The following DDX60 variants were observed in gnomAD, a reference collection of about 807,000 sequenced individuals.
DDX60 encodes the protein probable ATP-dependent RNA helicase DDX60.
Under a neutral mutation model 212.8 loss-of-function variants are expected in DDX60, and 165 were observed. The observed-to-expected ratio is 0.78, with a 90% CI of 0.68 to 0.88. The LOEUF (loss-of-function observed/expected upper bound fraction) is 0.88. Ranked by LOEUF, DDX60 falls within the 40% of genes least tolerant of loss-of-function variation. The probability of loss-of-function intolerance (pLI) is 0.00; values close to 1 mark genes in which losing one functional copy is unlikely to be tolerated. For synonymous variants in DDX60, 703 were observed against 685.3 expected (o/e 1.03, Z -0.40); for missense variants, 1,905 against 2,003.9 (o/e 0.95, Z 0.94).
Position 168,310,984 on chromosome 4 carries a change from A to C in DDX60, c.74+14T>G. On this transcript the variant is annotated intron_variant, in intron 3 of 37. Coordinates refer to ENST00000393743, the MANE Select transcript of DDX60 (RefSeq NM_017631.6). ...GCTATGATTTCCCGTCTTTATTACT[A>C]TAATAATACTCACTCAGCTTTTGGC... 1.4e-6 allele frequency: 2 copies of C among 1,463,212 alleles called. No individual in the cohort carries two copies. Among genetic ancestry groups the C allele is most frequent in the South Asian group, 2.3e-5 (2 of 85,640 alleles). 90.6% of individuals were successfully genotyped at this position (1,463,212 alleles called of 1,614,324 possible).
chr4:168,292,691 A>G (rs1330410543), intron 7 of DDX60, among the ~76,000 whole-genome samples: 1 of 152,218 alleles, frequency 6.6e-6, no homozygotes, highest in Non-Finnish European at 1.5e-5. Context: ...GAACACGGGT[A>G]AAGAAGTGGA....
Position 168,251,074 on chromosome 4 carries a change from A to G in DDX60, c.3738T>C (p.Phe1246=), listed in dbSNP as rs1182019312. The G allele has an allele frequency of 1.2e-6, 2 of 1,613,592 alleles. No individual in the cohort carries two copies. The highest frequency in any genetic ancestry group is 8.5e-7 in the Non-Finnish European group (1 of 1,179,862). The change falls in exon 28 of 38, where the codon TTT becomes TTC. Residue 1246 remains phenylalanine (F), a synonymous_variant. Transcript: ENST00000393743. ...CTTTCAATTCTTCACCTTTTCTTTC[A>G]AATTTTACTCGACCAAATACCTTCT... ...TLQKVFGRVK[F]ERKGEELKAL... is the part of the protein sequence containing the mutation.
intron 33 of DDX60, chr4:168,235,933 G>C (rs1733615950): frequency 3.8e-6 from 1 of 261,544 alleles, no homozygotes; most frequent in Non-Finnish European, 7.2e-6. Context: ...CGGTGATACA[G>C]CTAGATGTTT....
At chr4:168,243,135 T>C (rs1230624130) in intron 30 of DDX60, among the ~76,000 whole-genome samples, 2 of 152,186 alleles carry the variant, frequency 1.3e-5, no homozygotes, top group African/African-American at 4.8e-5. Flanking sequence ...CATGTGGAAC[T>C]GTAAGTCCAT....
At chr4:168,273,014 T>C (rs1321213450) in intron 18 of DDX60, among the ~76,000 whole-genome samples, 1 of 152,238 alleles carries the variant, frequency 6.6e-6, no homozygotes, top group Non-Finnish European at 1.5e-5. Context: ...CAGATCATTC[T>C]GAATCCCTTT....
chr4:168,306,374 AT>A lies in DDX60; in HGVS notation c.606+4del, dbSNP rs1233535857. 1 of 1,583,656 alleles carries A rather than the reference AT, an allele frequency of 6.3e-7. No homozygotes were observed. Among genetic ancestry groups the A allele is most frequent in the Non-Finnish European group, 8.6e-7 (1 of 1,163,752 alleles). Reference sequence around the variant, plus strand: ...AGAAGAAATTGTCTTTTGGATGTGAATTACCTTCCAGGAAAAAATCTGGTGT... The same window carrying A: ...AGAAGAAATTGTCTTTTGGATGTGAATACCTTCCAGGAAAAAATCTGGTGT... On this transcript the variant is annotated splice_donor_region_variant and intron_variant, in intron 5 of 37. Coordinates refer to ENST00000393743, the MANE Select transcript of DDX60 (RefSeq NM_017631.6).
At chr4:168,282,794 T>A (rs1343889248) in intron 13 of DDX60, among the ~76,000 whole-genome samples, 2 of 152,134 alleles carry the variant, frequency 1.3e-5, no homozygotes, top group Non-Finnish European at 2.9e-5. Context: ...GACATTAATG[T>A]TTCAGGAATT....
chr4:168,264,014 A>T (rs977286534), intron 22 of DDX60, among the ~76,000 whole-genome samples: 2 of 152,190 alleles, frequency 1.3e-5, no homozygotes, highest in African/African-American at 4.8e-5. Flanking sequence ...TTGCTTTCGT[A>T]AATAGCTATT....
At chr4:168,302,463 T>C in intron 5 of DDX60, 47 bp from the exon 6 acceptor site, 2 of 835,378 alleles carry the variant, frequency 2.4e-6, no homozygotes, top group East Asian at 3.2e-5. Flanking sequence ...ATAAAATATG[T>C]AATTATTTTC....
chr4:168,307,094 G>A (rs1196997205), intron 4 of DDX60, among the ~76,000 whole-genome samples: 1 of 152,196 alleles, frequency 6.6e-6, no homozygotes. Flanking sequence ...TTAGAGGATT[G>A]CTCCAGGTTA....
At chr4:168,279,404 T>A (rs1011021497) in intron 14 of DDX60, among the ~76,000 whole-genome samples, 2 of 152,240 alleles carry the variant, frequency 1.3e-5, no homozygotes, top group African/African-American at 4.8e-5. Context: ...TATGGCATCA[T>A]TCAGTTTGCC....
At chr4:168,219,607 C>T (rs1732978661) in intron 37 of DDX60, among the ~76,000 whole-genome samples, 1 of 152,010 alleles carries the variant, frequency 6.6e-6, no homozygotes, top group African/African-American at 2.4e-5. Context: ...TGCTCAGATC[C>T]AAGATATAAA....
At chr4:168,284,747 A>G (rs1354894788) in intron 12 of DDX60, 73 bp downstream of exon 12, 2 of 725,014 alleles carry the variant, frequency 2.8e-6, no homozygotes, top group African/African-American at 3.6e-5. Flanking sequence ...TCTTATGATA[A>G]TTTTCCACTA....
intron 12 of DDX60, 51 bp from the exon 13 acceptor site, chr4:168,283,657 A>G: frequency 7.7e-7 from 1 of 1,298,760 alleles, no homozygotes; most frequent in Non-Finnish European, 1.1e-6. Context: ...TTTCAATAGC[A>G]TTCTCATCAA....
At chr4:168,253,947 A>C (rs1560829844) in intron 26 of DDX60, among the ~76,000 whole-genome samples, 1 of 152,218 alleles carries the variant, frequency 6.6e-6, no homozygotes, top group Non-Finnish European at 1.5e-5. Flanking sequence ...TCTAAATATG[A>C]GAAGATGTGC....
intron 33 of DDX60, among the ~76,000 whole-genome samples, chr4:168,230,036 A>T (rs1012454069): frequency 6.6e-6 from 1 of 152,096 alleles, no homozygotes; most frequent in African/African-American, 2.4e-5. Context: ...AACATATTCC[A>T]TGGAAATGGA....
intron 22 of DDX60, among the ~76,000 whole-genome samples, chr4:168,265,036 C>T: frequency 6.6e-6 from 1 of 152,152 alleles, no homozygotes; most frequent in East Asian, 1.9e-4. Flanking sequence ...GCAGTTCTTT[C>T]AAGGACTTCC....
At chr4:168,224,847 G>T (rs1733192974) in intron 34 of DDX60, among the ~76,000 whole-genome samples, 1 of 151,750 alleles carries the variant, frequency 6.6e-6, no homozygotes, top group South Asian at 2.1e-4. Flanking sequence ...TTCAAACTGG[G>T]CTCTAATTTG....
chr4:168,262,841 C>A, intron 22 of DDX60, 54 bp from the exon 23 acceptor site: 1 of 1,252,618 alleles, frequency 8.0e-7, no homozygotes, highest in Non-Finnish European at 1.1e-6. Flanking sequence ...ATGTCGTATC[C>A]TTTGCCTCTT....
Sources: allele counts gnomAD v4.1 joint callset (sites outside exome capture counted in the v4.1 genomes callset), GRCh38; gene constraint gnomAD v4.1.1; transcripts MANE v1.5; gene names NCBI Gene and HGNC (gene_info 2026-07-23, HGNC 2026-07-21).